The following ASCC3 variants were observed in gnomAD, a reference collection of about 807,000 sequenced individuals.
ASCC3 encodes the protein activating signal cointegrator 1 complex subunit 3, also known as ASC-1 complex subunit P200.
A neutral mutation model predicts 256.3 loss-of-function variants in ASCC3; 158 were observed. That is an observed-to-expected ratio of 0.62 (90% CI 0.54 to 0.70). ASCC3 has a LOEUF of 0.70. Ranked by LOEUF, ASCC3 falls within the 30% of genes least tolerant of loss-of-function variation. The pLI is 0.00. For synonymous variants in ASCC3, 948 were observed against 883.4 expected, an observed-to-expected ratio of 1.07 and a Z score of -1.30; for missense variants, 2,259 against 2,626.0, an observed-to-expected ratio of 0.86 and a Z score of 3.05.
In ASCC3 at chr6:100,800,418, T is replaced by C; in HGVS notation, c.1009A>G (p.Met337Val). ...TIQSEQEKQL[M>V]KQYRREEKRI... ...TTTTCTTCACGTCGATATTGTTTCATTAACTGCTTTTCTTGTTCAGACTGA... is the reference window on the plus strand; with the variant it reads ...TTTTCTTCACGTCGATATTGTTTCACTAACTGCTTTTCTTGTTCAGACTGA... Residue 337 changes from methionine (M) to valine (V), a missense_variant, in exon 6 of 42, where the codon ATG becomes GTG. Coordinates refer to ENST00000369162, the MANE Select transcript of ASCC3 (RefSeq NM_006828.4). 6.2e-7 allele frequency: 1 copy of C among 1,612,834 alleles called. No homozygotes were observed. Among genetic ancestry groups the C allele is most frequent in the Non-Finnish European group, 8.5e-7 (1 of 1,179,282 alleles).
intron 26 of ASCC3, among the ~76,000 whole-genome samples, chr6:100,630,884 T>A (rs1286532519): frequency 2.6e-5 from 4 of 152,214 alleles, no homozygotes; most frequent in Non-Finnish European, 5.9e-5. Flanking sequence ...ATAAAAGTAC[T>A]CACATTAAGT....
chr6:100,804,733 C>T (rs114765947), intron 5 of ASCC3, among the ~76,000 whole-genome samples: 2,242 of 152,150 alleles, frequency 0.015, 47 homozygotes, highest in African/African-American at 0.052. Context: ...ATGGCTACTG[C>T]TAAAAAGTCA....
At position 100,552,135 on chromosome 6, in the gene ASCC3, AAAT is replaced by A. The variant is rs565256559; in HGVS notation, c.5551-11751_5551-11749del. On this transcript the variant is annotated intron_variant, in intron 36 of 41. Transcript: ENST00000369162. ...TGGTAAGATGTGCTGTAAATGTTAGAAATAATAATAATAAAAATAATAGTAATA... is the reference window on the plus strand; with the variant it reads ...TGGTAAGATGTGCTGTAAATGTTAGAAATAATAATAAAAATAATAGTAATA... 8.8e-4 allele frequency among the ~76,000 whole-genome samples: 133 copies of A among 151,706 alleles called. 1 individual carries two copies. The highest frequency in any genetic ancestry group is 4.2e-4 in the South Asian group (2 of 4,818).
At chr6:100,572,172 T>G (rs1287443938) in intron 36 of ASCC3, among the ~76,000 whole-genome samples, 2 of 152,012 alleles carry the variant, frequency 1.3e-5, no homozygotes, top group Non-Finnish European at 2.9e-5. Context: ...AAGTGGGGGC[T>G]TTGGGGAGGG....
chr6:100,815,401 C>T (rs1316501093), intron 4 of ASCC3, among the ~76,000 whole-genome samples: 1 of 150,178 alleles, frequency 6.7e-6, no homozygotes, highest in Non-Finnish European at 1.5e-5. Context: ...CTTCATAGAA[C>T]TAAAAAAAAA....
intron 14 of ASCC3, among the ~76,000 whole-genome samples, chr6:100,678,692 A>T (rs1777145620): frequency 1.3e-5 from 2 of 152,046 alleles, no homozygotes; most frequent in Non-Finnish European, 2.9e-5. Flanking sequence ...ATGCCAACAG[A>T]TTTTTTATTT....
chr6:100,821,242 C>T (rs1253650705), intron 4 of ASCC3, among the ~76,000 whole-genome samples: 1 of 152,136 alleles, frequency 6.6e-6, no homozygotes, highest in Non-Finnish European at 1.5e-5. Flanking sequence ...TCTCAAACTC[C>T]TGGCCTCAAG....
At position 100,877,875 on chromosome 6, in the gene ASCC3, T is replaced by C. The variant is rs1769064362; in HGVS notation, c.-42+3186A>G. ...TGCTGCATTGCATGATTCTAGTTTT[T>C]AACACTTTTTCTCTTTTTTTAAAAA... On this transcript the variant is annotated intron_variant, in intron 1 of 41. Transcript: ENST00000369162. Among the ~76,000 whole-genome samples, 2 of 152,218 alleles carry C rather than the reference T, an allele frequency of 1.3e-5. 1 individual carries two copies. The highest frequency in any genetic ancestry group is 3.8e-4 in the East Asian group (2 of 5,196).
chr6:100,688,131 A>G (rs1777671270), intron 13 of ASCC3, among the ~76,000 whole-genome samples: 1 of 152,124 alleles, frequency 6.6e-6, no homozygotes, highest in Non-Finnish European at 1.5e-5. Context: ...AAAGGAATAC[A>G]TATCACATGG....
chr6:100,535,466 GTTTTTTTTTT>G (rs34575315), intron 37 of ASCC3, among the ~76,000 whole-genome samples: 1 of 98,626 alleles, frequency 1.0e-5, no homozygotes, highest in Admixed American at 1.2e-4. Context: ...TGGTTTTCGT[GTTTTTTTTTT>G]TTTTTTTTTT....
In ASCC3 at chr6:100,608,232, C is replaced by CATA. The variant is rs1773090503; in HGVS notation, c.4786-1145_4786-1144insTAT. On this transcript the variant is annotated intron_variant, in intron 30 of 41. Transcript: ENST00000369162. ...ATACTTTATATATATACTTTATATACTTTATACTTTATATATATACTTTAT... is the reference window on the plus strand; with the variant it reads ...ATACTTTATATATATACTTTATATACATATTTATACTTTATATATATACTTTAT... Among the ~76,000 whole-genome samples the CATA allele has an allele frequency of 6.3e-5, 2 of 31,800 alleles. 1 individual carries two copies. Among genetic ancestry groups the CATA allele is most frequent in the Non-Finnish European group, 1.1e-4 (2 of 18,582 alleles). 20.9% of individuals were successfully genotyped at this position (31,800 alleles called of 152,430 possible).
chr6:100,824,689 ATAAAT>A (rs1271543624), intron 4 of ASCC3, among the ~76,000 whole-genome samples: 4 of 151,682 alleles, frequency 2.6e-5, no homozygotes, highest in East Asian at 1.9e-4. Flanking sequence ...ATTAAATAAA[ATAAAT>A]TAAGAGTATT....
chr6:100,834,226 G>A (rs951038891), intron 4 of ASCC3, among the ~76,000 whole-genome samples: 4 of 152,086 alleles, frequency 2.6e-5, no homozygotes, highest in Non-Finnish European at 4.4e-5. Flanking sequence ...ATCTCTTTTG[G>A]AATTTCACAT....
At chr6:100,769,346 T>C (rs909594182) in intron 8 of ASCC3, among the ~76,000 whole-genome samples, 1 of 151,894 alleles carries the variant, frequency 6.6e-6, no homozygotes, top group Admixed American at 6.6e-5. Context: ...TATTTCAAGA[T>C]AGCTAGAAGA....
chr6:100,697,748 C>T (rs1425517702), intron 13 of ASCC3, among the ~76,000 whole-genome samples: 5 of 151,832 alleles, frequency 3.3e-5, no homozygotes, highest in Non-Finnish European at 7.4e-5. Context: ...ACTGAGGTGG[C>T]CAAGAGGTAA....
intron 25 of ASCC3, among the ~76,000 whole-genome samples, chr6:100,635,818 C>T (rs34199055): frequency 0.12 from 17,548 of 151,844 alleles, 1,426 homozygotes; most frequent in South Asian, 0.33. Flanking sequence ...AATATCATGG[C>T]CATTTGTAGA....
intron 4 of ASCC3, among the ~76,000 whole-genome samples, chr6:100,831,663 A>G (rs968089804): frequency 6.6e-6 from 1 of 152,204 alleles, no homozygotes; most frequent in Non-Finnish European, 1.5e-5. Context: ...GCATGGAGTA[A>G]GGAGGAATGT....
intron 8 of ASCC3, among the ~76,000 whole-genome samples, chr6:100,772,780 C>T (rs1253878412): frequency 1.3e-5 from 2 of 152,116 alleles, no homozygotes; most frequent in Non-Finnish European, 2.9e-5. Context: ...CCACTACTTG[C>T]AATATAACTT....
At chr6:100,751,169 A>G (rs1780920376) in intron 10 of ASCC3, among the ~76,000 whole-genome samples, 3 of 152,082 alleles carry the variant, frequency 2.0e-5, no homozygotes, top group Non-Finnish European at 4.4e-5. Context: ...AGTTAGACTC[A>G]ATCACTCAAT....
Sources: gnomAD v4.1 joint callset for allele counts (sites outside exome capture counted in the v4.1 genomes callset) on GRCh38, gnomAD v4.1.1 for gene constraint, MANE v1.5 for transcripts, NCBI Gene and HGNC (gene_info 2026-07-23, HGNC 2026-07-21) for gene names.